RYR3: variants seen among roughly 807,000 people sequenced by gnomAD.
RYR3 encodes the protein brain ryanodine receptor-calcium release channel.
RYR3 carries 207 observed loss-of-function variants against 584.3 expected under a neutral mutation model. The observed-to-expected ratio is 0.35, with a 90% CI of 0.32 to 0.40. The LOEUF is 0.40. Ranked by LOEUF, RYR3 falls within the 10% of genes least tolerant of loss-of-function variation. The pLI is 1.00. For synonymous variants in RYR3, 2,416 were observed against 2,248.5 expected (o/e 1.07, Z -2.11); for missense variants, 5,616 against 6,089.2 (o/e 0.92, Z 2.59).
At chr15:33,822,201 A>G (rs1259662351) in intron 80 of RYR3, among the ~76,000 whole-genome samples, 1 of 152,200 alleles carries the variant, frequency 6.6e-6, no homozygotes. Flanking sequence ...GACACATGGT[A>G]TTTCTTCAAC....
intron 45 of RYR3, among the ~76,000 whole-genome samples, chr15:33,725,969 C>CA (rs2068384253): frequency 1.6e-4 from 5 of 30,698 alleles, no homozygotes; most frequent in Admixed American, 3.7e-4. Flanking sequence ...GACTCCATCC[C>CA]CCCCCCCAAA....
chr15:33,517,246 G>C (rs2053597536), intron 3 of RYR3, among the ~76,000 whole-genome samples: 1 of 152,168 alleles, frequency 6.6e-6, no homozygotes, highest in African/African-American at 2.4e-5. Context: ...ACGCACCTTG[G>C]CCTCCCAGAA....
intron 1 of RYR3, among the ~76,000 whole-genome samples, chr15:33,471,165 G>A (rs953944468): frequency 1.3e-5 from 2 of 152,186 alleles, no homozygotes; most frequent in African/African-American, 4.8e-5. Flanking sequence ...GCAAAGGCAG[G>A]TGCAGGCTGC....
chr15:33,542,675 C>T (rs2055920187), intron 7 of RYR3, among the ~76,000 whole-genome samples: 2 of 152,052 alleles, frequency 1.3e-5, no homozygotes, highest in African/African-American at 2.4e-5. Context: ...TGTTTTAATC[C>T]AGCACCCAAA....
intron 42 of RYR3, among the ~76,000 whole-genome samples, chr15:33,703,413 C>A (rs146813213): frequency 6.6e-6 from 1 of 152,282 alleles, no homozygotes; most frequent in Admixed American, 6.5e-5. Flanking sequence ...TCGAGGTGTG[C>A]GCAGGTTTGG....
At chr15:33,679,906 A>G (rs558863539) in intron 38 of RYR3, among the ~76,000 whole-genome samples, 1 of 152,296 alleles carries the variant, frequency 6.6e-6, no homozygotes, top group African/African-American at 2.4e-5. Flanking sequence ...CATCATCTAG[A>G]TATTATAATA....
intron 31 of RYR3, 57 bp downstream of exon 31, chr15:33,649,292 A>C (rs1595971881): frequency 6.5e-7 from 1 of 1,526,982 alleles, no homozygotes; most frequent in Middle Eastern, 2.3e-4. Flanking sequence ...CCCTCCCCCC[A>C]GTCTTTTTCT....
chr15:33,779,229 CT>C (rs1044576745), intron 64 of RYR3, among the ~76,000 whole-genome samples: 9 of 149,926 alleles, frequency 6.0e-5, no homozygotes, highest in Non-Finnish European at 1.2e-4. Context: ...CTTTTCTTTT[CT>C]TTTTTTTTCT....
At chr15:33,361,362 T>A (rs563195861) in intron 1 of RYR3, among the ~76,000 whole-genome samples, 1 of 152,304 alleles carries the variant, frequency 6.6e-6, no homozygotes, top group African/African-American at 2.4e-5. Context: ...ATGAATACAG[T>A]TTTTATAAAA....
At chr15:33,784,902 T>C (rs575599165) in intron 65 of RYR3, among the ~76,000 whole-genome samples, 35 of 152,336 alleles carry the variant, frequency 2.3e-4, no homozygotes, top group African/African-American at 8.4e-4. Context: ...TGGTTGAATA[T>C]TGAACTCTGT....
At chr15:33,784,734 A>T (rs1397528579) in intron 65 of RYR3, among the ~76,000 whole-genome samples, 3 of 152,196 alleles carry the variant, frequency 2.0e-5, no homozygotes, top group African/African-American at 7.2e-5. Context: ...ACGTCCCTCC[A>T]CTCAGAGCCC....
intron 55 of RYR3, among the ~76,000 whole-genome samples, chr15:33,749,021 C>A (rs1186287255): frequency 1.3e-5 from 2 of 152,288 alleles, no homozygotes; most frequent in Non-Finnish European, 2.9e-5. Flanking sequence ...AGAAAAAAAT[C>A]TGTACATGTT....
chr15:33,415,635 G>C (rs1484012332), intron 1 of RYR3, among the ~76,000 whole-genome samples: 1 of 152,162 alleles, frequency 6.6e-6, no homozygotes, highest in African/African-American at 2.4e-5. Flanking sequence ...AGTGGGCAAA[G>C]GCTTCAGAGA....
intron 1 of RYR3, among the ~76,000 whole-genome samples, chr15:33,437,684 A>C (rs2045855357): frequency 6.7e-6 from 1 of 149,196 alleles, no homozygotes; most frequent in African/African-American, 2.6e-5. Flanking sequence ...CTGCTTTTCC[A>C]CTGGTCTGTA....
rs112731484 is a variant in RYR3, at chr15:33,611,808, G to A, written c.2165-1375G>A. Among the ~76,000 whole-genome samples the A allele has an allele frequency of 2.2e-3, 341 of 152,008 alleles. 1 individual carries two copies. The highest frequency in any genetic ancestry group is 4.1e-3 in the Admixed American group (62 of 15,276). The stretch of plus-strand genomic sequence containing the variant: ...TAAGTAGCTGGGACTACAGGTGCAC[G>A]TCATCACGCCCAGCTAATTTTTGTA... On this transcript the variant is annotated intron_variant, in intron 18 of 103. Coordinates refer to ENST00000634891, the MANE Select transcript of RYR3 (RefSeq NM_001036.6).
intron 89 of RYR3, among the ~76,000 whole-genome samples, chr15:33,839,963 G>A (rs560551590): frequency 8.5e-5 from 13 of 152,284 alleles, no homozygotes; most frequent in African/African-American, 3.1e-4. Flanking sequence ...CTGTGTTCTA[G>A]GATACAGGAA....
intron 1 of RYR3, among the ~76,000 whole-genome samples, chr15:33,375,007 A>G (rs2040618935): frequency 6.6e-6 from 1 of 152,248 alleles, no homozygotes; most frequent in South Asian, 2.1e-4. Context: ...AATTCAAGCA[A>G]GCGATATTTT....
intron 42 of RYR3, among the ~76,000 whole-genome samples, chr15:33,702,905 T>C (rs1324280746): frequency 6.6e-6 from 1 of 151,866 alleles, no homozygotes; most frequent in Non-Finnish European, 1.5e-5. Flanking sequence ...AAATACACAT[T>C]TTTTTCTTCG....
At chr15:33,597,016 A>G (rs2059411689) in intron 16 of RYR3, among the ~76,000 whole-genome samples, 1 of 152,204 alleles carries the variant, frequency 6.6e-6, no homozygotes, top group Non-Finnish European at 1.5e-5. Flanking sequence ...TTGCCTGTGG[A>G]CTAGACTGCC....
Sources: allele counts gnomAD v4.1 joint callset (sites outside exome capture counted in the v4.1 genomes callset), GRCh38; gene constraint gnomAD v4.1.1; transcripts MANE v1.5; gene names NCBI Gene and HGNC (gene_info 2026-07-23, HGNC 2026-07-21).